CDYL: variants seen among roughly 807,000 people sequenced by gnomAD.
CDYL encodes the protein chromodomain Y-like protein.
CDYL carries 8 observed loss-of-function variants against 47.3 expected under a neutral mutation model. The ratio of observed to expected loss-of-function variants is 0.17; its 90% CI spans 0.10 to 0.31. CDYL has a LOEUF of 0.31. Among genes scored for constraint, CDYL ranks in the 10% least tolerant of loss-of-function variants. The probability of loss-of-function intolerance (pLI) is 1.00; values close to 1 mark genes in which losing one functional copy is unlikely to be tolerated. For missense variants in CDYL, 471 were observed against 701.4 expected (o/e 0.67, Z 3.71); for synonymous variants, 266 against 265.0 (o/e 1.00, Z -0.04).
chr6:4,740,349 C>T (rs1757774900), intron 3 of CDYL, among the ~76,000 whole-genome samples: 1 of 152,114 alleles, frequency 6.6e-6, no homozygotes, highest in Non-Finnish European at 1.5e-5. Flanking sequence ...GGACACTTGG[C>T]AATGTCTGGA....
chr6:4,816,371 A>G (rs1759676183), intron 1 of CDYL, among the ~76,000 whole-genome samples: 1 of 152,094 alleles, frequency 6.6e-6, no homozygotes, highest in Non-Finnish European at 1.5e-5. Context: ...CAAAAATACA[A>G]ATAGCCCCAA....
intron 1 of CDYL, among the ~76,000 whole-genome samples, chr6:4,889,450 C>G (rs1561688488): frequency 6.6e-6 from 1 of 152,090 alleles, no homozygotes; most frequent in Non-Finnish European, 1.5e-5. Context: ...GTCTCAAACT[C>G]CTGACCTCGT....
At chr6:4,837,628 C>T (rs1033145397) in intron 1 of CDYL, among the ~76,000 whole-genome samples, 48 of 151,918 alleles carry the variant, frequency 3.2e-4, no homozygotes, top group African/African-American at 1.1e-3. Context: ...CCATGCCTGG[C>T]TAATTTTTGT....
Position 4,892,192 on chromosome 6 carries a change from C to T in CDYL, c.504C>T (p.Pro168=), listed in dbSNP as rs569054478. The change falls in exon 2 of 7, where the codon CCC becomes CCT. Residue 168 remains proline (P), a synonymous_variant. Transcript: ENST00000397588. Reference sequence around the variant, plus strand: ...GCGAGAGCCCTGAGAAACTGGACCCCGTCGAGCAGGGTCAGGAGGACACAG... The same window carrying T: ...GCGAGAGCCCTGAGAAACTGGACCCTGTCGAGCAGGGTCAGGAGGACACAG... ...FQSESPEKLD[P]VEQGQEDTVA... 27 of 1,614,178 alleles carry T rather than the reference C, an allele frequency of 1.7e-5. No individual in the cohort carries two copies. The highest frequency in any genetic ancestry group is 8.0e-5 in the African/African-American group (6 of 75,050).
At chr6:4,781,386 A>G (rs1310925188) in intron 1 of CDYL, among the ~76,000 whole-genome samples, 1 of 152,174 alleles carries the variant, frequency 6.6e-6, no homozygotes, top group African/African-American at 2.4e-5. Context: ...AGGTCAGCGT[A>G]TGTTGTATAT....
At chr6:4,753,122 G>A (rs1471545439) in intron 3 of CDYL, among the ~76,000 whole-genome samples, 4 of 152,186 alleles carry the variant, frequency 2.6e-5, no homozygotes, top group African/African-American at 7.2e-5. Context: ...ATGTAGCTCG[G>A]GCTGGACTCG....
At chr6:4,918,001 T>G (rs562619787) in intron 2 of CDYL, among the ~76,000 whole-genome samples, 17 of 152,342 alleles carry the variant, frequency 1.1e-4, no homozygotes, top group African/African-American at 3.4e-4. Flanking sequence ...CTACCCAAGA[T>G]AGTATCTTCC....
At position 4,758,370 on chromosome 6, in the gene CDYL, A is replaced by ATATATC. The variant is rs140149693; in HGVS notation, c.186+23527_186+23528insATATCT. Among the ~76,000 whole-genome samples, 425 of 137,738 alleles carry ATATATC rather than the reference A, an allele frequency of 3.1e-3. 3 individuals are homozygous for ATATATC. Among genetic ancestry groups the ATATATC allele is most frequent in the African/African-American group, 0.012 (412 of 35,008 alleles). 90.4% of individuals were successfully genotyped at this position (137,738 alleles called of 152,430 possible). ...TAAATAAATATATATATATATATAT[A>ATATATC]TCTCTTTGTGGCCAGCACGGTGGCT... is the stretch of plus-strand genomic sequence containing the variant. On this transcript the variant is annotated intron_variant, in intron 3 of 8. Transcript: ENST00000328908.
At chr6:4,884,755 C>T (rs1761857164) in intron 1 of CDYL, among the ~76,000 whole-genome samples, 1 of 152,110 alleles carries the variant, frequency 6.6e-6, no homozygotes, top group Admixed American at 6.5e-5. Context: ...GGGATCCTTT[C>T]TTGTAATGTA....
intron 1 of CDYL, among the ~76,000 whole-genome samples, chr6:4,870,669 ACT>A (rs1243480025): frequency 6.7e-6 from 1 of 149,768 alleles, no homozygotes; most frequent in African/African-American, 2.5e-5. Flanking sequence ...CTGTTTCCCC[ACT>A]CTCTGAGGTT....
intron 2 of CDYL, among the ~76,000 whole-genome samples, chr6:4,723,802 C>A (rs755615363): frequency 2.0e-4 from 31 of 152,200 alleles, no homozygotes; most frequent in Non-Finnish European, 4.0e-4. Context: ...AGGGAAACAT[C>A]AAGTCGTTAT....
chr6:4,841,144 T>C (rs551058295), intron 1 of CDYL, among the ~76,000 whole-genome samples: 4 of 152,220 alleles, frequency 2.6e-5, no homozygotes, highest in African/African-American at 7.2e-5. Flanking sequence ...TCTAGGCGGG[T>C]TGTATATTTC....
Position 4,802,900 on chromosome 6 carries a change from AGT to A in CDYL, c.24+26097_24+26098del, listed in dbSNP as rs533854812. On this transcript the variant is annotated intron_variant, in intron 1 of 6. Coordinates refer to ENST00000397588, the MANE Select transcript of CDYL (RefSeq NM_004824.4). ...TCCGGCATCTCACTAAGTACTTGAC[AGT>A]GTGGCCTGGTACCTTTTGAGCTCAA... Among the ~76,000 whole-genome samples, 99 of 152,286 alleles carry A rather than the reference AGT, an allele frequency of 6.5e-4. 1 individual carries two copies. Among genetic ancestry groups the A allele is most frequent in the African/African-American group, 2.3e-3 (95 of 41,556 alleles).
At chr6:4,842,097 A>G (rs1190586120) in intron 1 of CDYL, among the ~76,000 whole-genome samples, 1 of 143,182 alleles carries the variant, frequency 7.0e-6, no homozygotes, top group Non-Finnish European at 1.5e-5. Flanking sequence ...TATTTATATC[A>G]TATATTTATA....
intron 1 of CDYL, among the ~76,000 whole-genome samples, chr6:4,880,987 A>G (rs762387511): frequency 6.6e-6 from 1 of 152,104 alleles, no homozygotes; most frequent in African/African-American, 2.4e-5. Flanking sequence ...ACCATCTTTT[A>G]AATTATTATT....
At chr6:4,869,864 A>G (rs1220813430) in intron 1 of CDYL, among the ~76,000 whole-genome samples, 1 of 152,194 alleles carries the variant, frequency 6.6e-6, no homozygotes, top group East Asian at 1.9e-4. Context: ...ATATTCAAAT[A>G]GTCTTCTGTA....
At chr6:4,856,990 G>A (rs947513094) in intron 1 of CDYL, among the ~76,000 whole-genome samples, 4 of 152,170 alleles carry the variant, frequency 2.6e-5, no homozygotes, top group Admixed American at 6.5e-5. Flanking sequence ...TCAGCCAGCC[G>A]GGGGAAGTCC....
At chr6:4,948,533 C>CT (rs935997328) in intron 5 of CDYL, among the ~76,000 whole-genome samples, 5 of 102,894 alleles carry the variant, frequency 4.9e-5, no homozygotes, top group Admixed American at 4.3e-4. Context: ...CAGTTTTCAC[C>CT]CCCGACCTCA....
At chr6:4,780,428 C>T (rs1289182281) in intron 1 of CDYL, among the ~76,000 whole-genome samples, 5 of 132,182 alleles carry the variant, frequency 3.8e-5, no homozygotes, top group African/African-American at 1.3e-4. Flanking sequence ...GCCCCCGCCC[C>T]GGCTAATGTT....
Sources: allele counts gnomAD v4.1 joint callset (sites outside exome capture counted in the v4.1 genomes callset), GRCh38; gene constraint gnomAD v4.1.1; transcripts MANE v1.5; gene names NCBI Gene and HGNC (gene_info 2026-07-23, HGNC 2026-07-21).